Variants in TRIP13 observed in about 807,000 individuals in gnomAD.
TRIP13 encodes the protein thyroid hormone receptor interactor 13.
TRIP13 carries 25 observed loss-of-function variants against 54.4 expected under a neutral mutation model. The ratio of observed to expected loss-of-function variants is 0.46; its 90% confidence interval spans 0.33 to 0.64. The LOEUF (loss-of-function observed/expected upper bound fraction) is 0.64, where lower values mean the gene tolerates loss of function less well. TRIP13 is among the 30% of genes least tolerant of loss of function. The pLI is 0.02. For synonymous variants in TRIP13, 207 were observed against 207.8 expected, an observed-to-expected ratio of 1.00 and a Z score of 0.03; for missense variants, 373 against 534.2, an observed-to-expected ratio of 0.70 and a Z score of 2.97.
intron 9 of TRIP13, among the ~76,000 whole-genome samples, chr5:909,535 G>A (rs560749889): frequency 1.3e-5 from 2 of 152,202 alleles, no homozygotes; most frequent in East Asian, 3.9e-4. Context: ...GCAGGAATGT[G>A]TGCCAAGACC....
At chr5:895,360 C>G (rs1166270759) in intron 2 of TRIP13, among the ~76,000 whole-genome samples, 1 of 152,134 alleles carries the variant, frequency 6.6e-6, no homozygotes, top group African/African-American at 2.4e-5. Flanking sequence ...TATCTCATCC[C>G]ATGCATGGCC....
intron 6 of TRIP13, among the ~76,000 whole-genome samples, chr5:906,253 G>A (rs1469346632): frequency 6.6e-6 from 1 of 151,956 alleles, no homozygotes; most frequent in Non-Finnish European, 1.5e-5. Flanking sequence ...AAATGTTATT[G>A]TAAGGAATAT....
chr5:896,674 T>A lies in TRIP13; in HGVS notation c.268T>A (p.Leu90Met). ...TTTTCCCTCATTTTAGCCCATCGAT[T>A]TGAGTGCATGCACTGTTGCACTTCA... ...LKVKDSQPIDLSACTVALHIF... is the reference protein window; with the variant it reads ...LKVKDSQPIDMSACTVALHIF... Residue 90 changes from leucine (L) to methionine (M), a missense_variant, in exon 3 of 13, where the codon TTG becomes ATG. Physicochemically the swap from Leu to Met is conservative, Grantham distance 15. Transcript: ENST00000166345. 6.2e-7 allele frequency: 1 copy of A among 1,609,028 alleles called. No individual in the cohort carries two copies.
chr5:901,996 C>T (rs1754002114), intron 5 of TRIP13, among the ~76,000 whole-genome samples: 1 of 152,198 alleles, frequency 6.6e-6, no homozygotes, highest in South Asian at 2.1e-4. Context: ...TCCTCAGATG[C>T]CCCAAACGTG....
At chr5:905,870 T>C (rs924026177) in intron 6 of TRIP13, among the ~76,000 whole-genome samples, 2 of 152,266 alleles carry the variant, frequency 1.3e-5, no homozygotes, top group Non-Finnish European at 2.9e-5. Flanking sequence ...AGCTTATGTT[T>C]AGCAACTTGC....
rs1754263386 is a variant in TRIP13, at chr5:912,658, G to A, written c.1020+662G>A. Reference sequence around the variant, plus strand: ...ACAATGACATGTGCGGTGAGTGTGAGTCAGTAAGGCCGTCGCCATGGGCAC... The same window carrying A: ...ACAATGACATGTGCGGTGAGTGTGAATCAGTAAGGCCGTCGCCATGGGCAC... On this transcript the variant is annotated intron_variant, in intron 10 of 12. Transcript: ENST00000166345. This position sits in a 1 kb window ranked among gnomAD's most constrained non-coding sequence, Gnocchi z 7.2. 6.6e-6 allele frequency among the ~76,000 whole-genome samples: 1 copy of A among 151,964 alleles called. No homozygotes were observed. The highest frequency in any genetic ancestry group is 2.1e-4 in the South Asian group (1 of 4,804).
chr5:905,075 G>A (rs1168377467), intron 6 of TRIP13, among the ~76,000 whole-genome samples: 1 of 151,460 alleles, frequency 6.6e-6, no homozygotes, highest in Non-Finnish European at 1.5e-5. Context: ...TTCCTTTAGT[G>A]AGTGTTAGAT....
intron 6 of TRIP13, among the ~76,000 whole-genome samples, chr5:906,217 G>A (rs1754112363): frequency 6.6e-6 from 1 of 152,170 alleles, no homozygotes; most frequent in African/African-American, 2.4e-5. Flanking sequence ...ATCTCTAGGG[G>A]CAGAGAGGGC....
chr5:909,121 TCCCCTGCTC>T (rs1754177884), intron 9 of TRIP13, among the ~76,000 whole-genome samples: 1 of 152,240 alleles, frequency 6.6e-6, no homozygotes, highest in Non-Finnish European at 1.5e-5. Context: ...TGAATGGCTG[TCCCCTGCTC>T]GCCCTGCTGG....
Position 908,094 on chromosome 5 carries a change from GA to G in TRIP13, c.759+23del, listed in dbSNP as rs748469710. 4.3e-6 allele frequency: 7 copies of G among 1,613,560 alleles called. No homozygotes were observed. The South Asian group carries it at 7.7e-5, about 18-fold the overall frequency. ...GATGAGGTAGGCATTTCCAGATAAGGAAATTCATGACAGAATCGCCTTTTGC... is the reference window on the plus strand; with the variant it reads ...GATGAGGTAGGCATTTCCAGATAAGGAATTCATGACAGAATCGCCTTTTGC... On this transcript the variant is annotated intron_variant, in intron 8 of 12. Transcript: ENST00000166345. The surrounding 1 kb of genome is among the most constrained non-coding windows in gnomAD (Gnocchi z 5.2).
At position 908,135 on chromosome 5, in the gene TRIP13, A is replaced by G; in HGVS notation, c.759+61A>G. ...TCGCCTTTTGCCATTGTGGGGACAC[A>G]GCCTACTCCTGATGCTCCTAGCTTT... On this transcript the variant is annotated intron_variant, in intron 8 of 12. Transcript: ENST00000166345. This position sits in a 1 kb window ranked among gnomAD's most constrained non-coding sequence, Gnocchi z 5.2. 1 of 1,575,558 alleles carries G rather than the reference A, an allele frequency of 6.3e-7. No individual in the cohort carries two copies. Among genetic ancestry groups the G allele is most frequent in the Non-Finnish European group, 8.7e-7 (1 of 1,145,218 alleles).
At chr5:918,285 G>A (rs1754374635), downstream of TRIP13, among the ~76,000 whole-genome samples, 2 of 152,174 alleles carry the variant, frequency 1.3e-5, no homozygotes, top group South Asian at 4.1e-4. The surrounding 1 kb of genome is among the most constrained non-coding windows in gnomAD (Gnocchi z 4.3). Context: ...CTTAACTCTA[G>A]ATTCAGAACC....
rs552305381 is a variant in TRIP13, at chr5:917,336, A to G, written c.*233A>G. 4 of 447,264 alleles carry G rather than the reference A, an allele frequency of 8.9e-6. No individual in the cohort carries two copies. Among genetic ancestry groups the G allele is most frequent in the Admixed American group, 8.3e-5 (2 of 24,070 alleles). 27.7% of individuals were successfully genotyped at this position (447,264 alleles called of 1,614,324 possible). The stretch of plus-strand genomic sequence containing the variant: ...TTGTCATTTTCACTGTTTGTAAAAG[A>G]TAATTCAGATTGTTTGTCTCCTTGT... On this transcript the variant is annotated 3_prime_UTR_variant, in exon 13 of 13. Transcript: ENST00000166345.
At chr5:895,762 T>G (rs1448357681) in intron 2 of TRIP13, among the ~76,000 whole-genome samples, 7 of 152,258 alleles carry the variant, frequency 4.6e-5, no homozygotes, top group Non-Finnish European at 8.8e-5. Flanking sequence ...GTTCTCTGAC[T>G]GCAGATTCAC....
At position 917,336 on chromosome 5, in the gene TRIP13, A is replaced by T. The variant is rs552305381; in HGVS notation, c.*233A>T. The T allele has an allele frequency of 4.5e-6, 2 of 447,146 alleles. No homozygotes were observed. The highest frequency in any genetic ancestry group is 7.9e-5 in the East Asian group (2 of 25,196). The allele number at this position is 447,146 out of a possible 1,614,324, so 27.7% of individuals were successfully genotyped here. On this transcript the variant is annotated 3_prime_UTR_variant, in exon 13 of 13. Transcript: ENST00000166345. ...TTGTCATTTTCACTGTTTGTAAAAG[A>T]TAATTCAGATTGTTTGTCTCCTTGT...
chr5:892,954 C>T lies in TRIP13; in HGVS notation c.-45C>T, dbSNP rs772787970. 92 of 1,431,742 alleles carry T rather than the reference C, an allele frequency of 6.4e-5. No homozygotes were observed. In the South Asian group the frequency reaches 1.2e-3, roughly 18 times the overall value. The allele number at this position is 1,431,742 out of a possible 1,614,324, so 88.7% of individuals were successfully genotyped here. A position where few individuals can be genotyped will look rare whatever the true frequency, so the allele number is the denominator to read the frequency against. On this transcript the variant is annotated 5_prime_UTR_variant, in exon 1 of 13. Coordinates refer to ENST00000166345, the MANE Select transcript of TRIP13 (RefSeq NM_004237.4). ...GGCGGCGACGCTGGGCGTGAGGTGG[C>T]GGCGGCCGCGCCCTGGTTGGGTCCC...
chr5:905,872 G>A (rs935149350), intron 6 of TRIP13, among the ~76,000 whole-genome samples: 2 of 152,182 alleles, frequency 1.3e-5, no homozygotes, highest in African/African-American at 4.8e-5. Flanking sequence ...CTTATGTTTA[G>A]CAACTTGCCC....
rs910129471 is a variant in TRIP13, at chr5:894,773, G to C, written c.93-14G>C. 6.3e-7 allele frequency: 1 copy of C among 1,585,370 alleles called. No individual in the cohort carries two copies. Among genetic ancestry groups the C allele is most frequent in the African/African-American group, 1.4e-5 (1 of 73,606 alleles). ...ACTAAGATCATTTATGTGTGTTTTG[G>C]CTTCTTTTTTTAGCACTGCAAAGAA... On this transcript the variant is annotated splice_polypyrimidine_tract_variant and intron_variant, in intron 1 of 12. Coordinates refer to ENST00000166345, the MANE Select transcript of TRIP13 (RefSeq NM_004237.4).
At chr5:903,829 G>C (rs1332109118) in intron 5 of TRIP13, among the ~76,000 whole-genome samples, 1 of 152,170 alleles carries the variant, frequency 6.6e-6, no homozygotes, top group Admixed American at 6.5e-5. Flanking sequence ...AAAGATGTAG[G>C]CTAGAAAATG....
Sources: gnomAD v4.1 joint callset for allele counts (sites outside exome capture counted in the v4.1 genomes callset) on GRCh38, gnomAD v4.1.1 for gene constraint, Gnocchi (gnomAD v3.1) non-coding constraint, MANE v1.5 for transcripts, NCBI Gene and HGNC (gene_info 2026-07-23, HGNC 2026-07-21) for gene names.